GALNT13: variants seen among roughly 807,000 people sequenced by gnomAD.
The protein encoded by GALNT13 is UDP-GalNAc:polypeptide N-acetylgalactosaminyltransferase 13.
In GALNT13, 28 loss-of-function variants were observed where a neutral mutation model predicts 64.2. The observed-to-expected ratio is 0.44, with a 90% CI of 0.32 to 0.60. GALNT13 has a LOEUF of 0.60. GALNT13 is among the 20% of genes least tolerant of loss of function. GALNT13 has a pLI of 0.05. For synonymous variants in GALNT13, 214 were observed against 224.6 expected (o/e 0.95, Z 0.42); for missense variants, 577 against 669.8 (o/e 0.86, Z 1.53).
the GALNT13 span, among the ~76,000 whole-genome samples, chr2:153,272,718 A>G: frequency 6.6e-6 from 1 of 152,208 alleles, no homozygotes; most frequent in Non-Finnish European, 1.5e-5. Flanking sequence ...CAATTTCTCA[A>G]GGATCTAGAA....
chr2:153,826,451 A>G, the GALNT13 span, among the ~76,000 whole-genome samples: 1 of 152,316 alleles, frequency 6.6e-6, no homozygotes, highest in East Asian at 1.9e-4. Context: ...TTTGGAGAGG[A>G]CAAACATTCA....
intron 9 of GALNT13, among the ~76,000 whole-genome samples, chr2:154,308,473 G>A (rs1693861525): frequency 6.6e-6 from 1 of 152,010 alleles, no homozygotes; most frequent in African/African-American, 2.4e-5. Context: ...TTTGAATGTG[G>A]GGCCTAATTT....
intron 2 of GALNT13, among the ~76,000 whole-genome samples, chr2:153,910,102 G>A (rs1345511030): frequency 1.3e-5 from 2 of 150,664 alleles, no homozygotes; most frequent in Non-Finnish European, 3.0e-5. Context: ...ATTTATTACT[G>A]ATTCAATTTC....
the GALNT13 span, among the ~76,000 whole-genome samples, chr2:153,126,154 T>C: frequency 6.6e-6 from 1 of 151,704 alleles, no homozygotes; most frequent in Admixed American, 6.6e-5. Flanking sequence ...TTTTGTTCTC[T>C]TGAGGGAAAA....
At chr2:153,498,359 G>T in the GALNT13 span, among the ~76,000 whole-genome samples, 1 of 152,220 alleles carries the variant, frequency 6.6e-6, no homozygotes, top group South Asian at 2.1e-4. Flanking sequence ...GGCTTGTTCC[G>T]CCCTTGAAGG....
chr2:154,307,845 T>A (rs1693824024), intron 9 of GALNT13, among the ~76,000 whole-genome samples: 1 of 152,182 alleles, frequency 6.6e-6, no homozygotes, highest in Admixed American at 6.5e-5. Flanking sequence ...AATACCACAT[T>A]ATAAAAAGCA....
the GALNT13 span, among the ~76,000 whole-genome samples, chr2:153,139,851 T>G: frequency 6.6e-6 from 1 of 151,986 alleles, no homozygotes. Flanking sequence ...TATTTGAGAT[T>G]ATTGAATATA....
chr2:153,641,212 G>C, the GALNT13 span, among the ~76,000 whole-genome samples: 18 of 152,034 alleles, frequency 1.2e-4, no homozygotes, highest in Admixed American at 6.6e-5. Flanking sequence ...GGAAATGAAA[G>C]GTCTACTCTA....
chr2:153,783,421 T>C, the GALNT13 span, among the ~76,000 whole-genome samples: 1 of 152,118 alleles, frequency 6.6e-6, no homozygotes, highest in African/African-American at 2.4e-5. Context: ...TGTTTGTTTG[T>C]TTGTTTTTCC....
the GALNT13 span, among the ~76,000 whole-genome samples, chr2:153,585,872 GA>G: frequency 6.6e-6 from 1 of 152,044 alleles, no homozygotes; most frequent in Non-Finnish European, 1.5e-5. Flanking sequence ...TCATAAAGGA[GA>G]AATATTAAGT....
chr2:153,214,103 G>A, the GALNT13 span, among the ~76,000 whole-genome samples: 3 of 152,122 alleles, frequency 2.0e-5, no homozygotes, highest in Admixed American at 2.0e-4. Context: ...TTCAGCAAAA[G>A]TTGAAGGTAT....
chr2:153,443,311 G>A, the GALNT13 span, among the ~76,000 whole-genome samples: 1 of 152,148 alleles, frequency 6.6e-6, no homozygotes. Flanking sequence ...GGAGTTCCCA[G>A]ATCCCTTGTG....
At chr2:153,215,073 G>T in the GALNT13 span, among the ~76,000 whole-genome samples, 6 of 152,002 alleles carry the variant, frequency 3.9e-5, no homozygotes, top group Admixed American at 1.3e-4. Context: ...TTAATGCCAG[G>T]TCTTGGTATG....
At chr2:153,336,795 G>C in the GALNT13 span, among the ~76,000 whole-genome samples, 2 of 152,106 alleles carry the variant, frequency 1.3e-5, no homozygotes, top group African/African-American at 4.8e-5. Flanking sequence ...AGAATGAAAT[G>C]GTTTGGCTGT....
chr2:153,978,294 A>G (rs1167258490), intron 3 of GALNT13, among the ~76,000 whole-genome samples: 2 of 152,226 alleles, frequency 1.3e-5, no homozygotes, highest in Admixed American at 6.5e-5. Context: ...CTACATTTTC[A>G]TTATGACTGA....
At chr2:153,828,190 T>G in the GALNT13 span, among the ~76,000 whole-genome samples, 1 of 152,250 alleles carries the variant, frequency 6.6e-6, no homozygotes. Context: ...TCAGTGGATC[T>G]ACCCTTCTGG....
At chr2:153,789,555 AC>A in the GALNT13 span, among the ~76,000 whole-genome samples, 1 of 152,144 alleles carries the variant, frequency 6.6e-6, no homozygotes, top group African/African-American at 2.4e-5. Flanking sequence ...GATCAAACCA[AC>A]TCCAAAGCTA....
the GALNT13 span, among the ~76,000 whole-genome samples, chr2:153,360,841 G>A: frequency 6.6e-6 from 1 of 152,158 alleles, no homozygotes; most frequent in South Asian, 2.1e-4. Context: ...ATTCCCCCCA[G>A]CATGGCACAC....
rs569952318 is a variant in GALNT13 at position 154,147,869 on chromosome 2, T to A, written c.311+7364T>A. ...TCCACTATCATGGTTGTTAATGTGT[T>A]CTTATATTTCTTTCTTTTTTTTTTT... On this transcript the variant is annotated intron_variant, in intron 4 of 12. Transcript: ENST00000392825. Among the ~76,000 whole-genome samples, 7 of 151,914 alleles carry A rather than the reference T, an allele frequency of 4.6e-5. No individual in the cohort carries two copies. In the South Asian group the frequency reaches 1.5e-3, roughly 32 times the overall value.
Sources: gnomAD v4.1 joint callset for allele counts (sites outside exome capture counted in the v4.1 genomes callset) on GRCh38, gnomAD v4.1.1 for gene constraint, MANE v1.5 for transcripts, NCBI Gene and HGNC (gene_info 2026-07-23, HGNC 2026-07-21) for gene names.